SOX21: variants seen among roughly 807,000 people sequenced by gnomAD.
SOX21 encodes transcription factor SOX-21.
For missense variants in SOX21, 370 were observed against 388.8 expected (o/e 0.95, Z 0.41); for synonymous variants, 237 against 189.7 (o/e 1.25, Z -2.05).
chr13:94,712,462 C>T lies in SOX21; in HGVS notation c.-413G>A. 1 of 989,164 alleles carries T rather than the reference C, an allele frequency of 1.0e-6. No individual in the cohort carries two copies. The highest frequency in any genetic ancestry group is 1.2e-6 in the Non-Finnish European group (1 of 833,228). 61.3% of individuals were successfully genotyped at this position (989,164 alleles called of 1,614,324 possible). ...CAAAGCGTCCCCAAAAGTTGCGTCG[C>T]GGAGACTCCTCGAAGTTGAGCCGAG... On this transcript the variant is annotated 5_prime_UTR_variant, in exon 1 of 1. Coordinates refer to ENST00000376945, the MANE Select transcript of SOX21 (RefSeq NM_007084.4). This position sits in a 1 kb window ranked among gnomAD's most constrained non-coding sequence, Gnocchi z 5.0.
chr13:94,711,643 T>A lies in SOX21; in HGVS notation c.407A>T (p.Lys136Met). The A allele has an allele frequency of 8.1e-7, 1 of 1,241,992 alleles. No homozygotes were observed. The highest frequency in any genetic ancestry group is 1.0e-6 in the Non-Finnish European group (1 of 991,304). The allele number at this position is 1,241,992 out of a possible 1,614,324, so 76.9% of individuals were successfully genotyped here. A position where few individuals can be genotyped will look rare whatever the true frequency, so the allele number is the denominator to read the frequency against. ...GGCAGCGGCGGCGGCCGCGGCCGCC[T>A]TCTCGGGATTGGCGAGCAGCGACTC... ...VPESLLANPEKAAAAAAAAAA... is the reference protein window; with the variant it reads ...VPESLLANPEMAAAAAAAAAA... The change falls in exon 1 of 1, where the codon AAG becomes ATG. Residue 136 changes from lysine (K) to methionine (M), a missense_variant. Lys to Met is a moderately conservative substitution (Grantham distance 95, BLOSUM62 -1). Transcript: ENST00000376945.
chr13:94,711,402 GGCCGCCGCTGCAGCC>G lies in SOX21; in HGVS notation c.633_647del (p.Ala215_Ala219del). On this transcript the variant is annotated inframe_deletion, in exon 1 of 1. Coordinates refer to ENST00000376945, the MANE Select transcript of SOX21 (RefSeq NM_007084.4). ...AGTGCGTGTGCCCCCCGGCGGCGGC[GGCCGCCGCTGCAGCC>G]GCCGCCGCCGCGCCGTGGAAGGCGC... The G allele has an allele frequency of 5.4e-6, 4 of 739,450 alleles. No individual in the cohort carries two copies. The highest frequency in any genetic ancestry group is 5.1e-6 in the Non-Finnish European group (3 of 586,728). The allele number at this position is 739,450 out of a possible 1,614,324, so 45.8% of individuals were successfully genotyped here. A position where few individuals can be genotyped will look rare whatever the true frequency, so the allele number is the denominator to read the frequency against.
Position 94,712,343 on chromosome 13 carries a change from T to C in SOX21, c.-294A>G, listed in dbSNP as rs1263768207. On this transcript the variant is annotated 5_prime_UTR_variant, in exon 1 of 1. Coordinates refer to ENST00000376945, the MANE Select transcript of SOX21 (RefSeq NM_007084.4). This position sits in a 1 kb window ranked among gnomAD's most constrained non-coding sequence, Gnocchi z 5.0. ...CAGTTTGCCCTTTACGTTCTTTGGGTCCTTCGTCTGCAGTGGCGTTTGCTG... is the reference window on the plus strand; with the variant it reads ...CAGTTTGCCCTTTACGTTCTTTGGGCCCTTCGTCTGCAGTGGCGTTTGCTG... 10 of 1,089,658 alleles carry C rather than the reference T, an allele frequency of 9.2e-6. No homozygotes were observed. The highest frequency in any genetic ancestry group is 1.2e-4 in the East Asian group (2 of 16,342). 67.5% of individuals were successfully genotyped at this position (1,089,658 alleles called of 1,614,324 possible). A position where few individuals can be genotyped will look rare whatever the true frequency, so the allele number is the denominator to read the frequency against.
At position 94,711,915 on chromosome 13, in the gene SOX21, C is replaced by G; in HGVS notation, c.135G>C (p.Glu45Asp). ...NSEISKRLGA[E>D]WKLLTESEKR... ...TCTCCGACTCTGTGAGCAGTTTCCA[C>G]TCGGCGCCCAAGCGCTTGCTGATCT... The change falls in exon 1 of 1, where the codon GAG becomes GAC. Residue 45 changes from glutamate to aspartate, a missense_variant. Coordinates refer to ENST00000376945, the MANE Select transcript of SOX21 (RefSeq NM_007084.4). 6.2e-7 allele frequency: 1 copy of G among 1,614,050 alleles called. No homozygotes were observed. The highest frequency in any genetic ancestry group is 8.5e-7 in the Non-Finnish European group (1 of 1,179,964).
In SOX21 at chr13:94,711,846, G is replaced by A; in HGVS notation, c.204C>T (p.His68=). Residue 68 remains histidine, a synonymous_variant, in exon 1 of 1, where the codon CAC becomes CAT. Coordinates refer to ENST00000376945, the MANE Select transcript of SOX21 (RefSeq NM_007084.4). ...IDEAKRLRAM[H]MKEHPDYKYR... ...ACTTGTAGTCGGGGTGCTCCTTCAT[G>A]TGCATGGCGCGTAGACGCTTGGCCT... 6.2e-7 allele frequency: 1 copy of A among 1,613,974 alleles called. No individual in the cohort carries two copies. Among genetic ancestry groups the A allele is most frequent in the Non-Finnish European group, 8.5e-7 (1 of 1,179,952 alleles).
Position 94,711,600 on chromosome 13 carries a change from G to A in SOX21, c.450C>T (p.Phe150=). ...CGGCGGCGGCAGCGGCCGACTGCGG[G>A]AAGAAGACGCGTGCGGCGGCAGCGG... is the stretch of plus-strand genomic sequence containing the variant. ...AAAAAAARVF[F]PQSAAAAAAA... Residue 150 remains phenylalanine (F), a synonymous_variant, in exon 1 of 1, where the codon TTC becomes TTT. Transcript: ENST00000376945. 1.6e-6 allele frequency: 2 copies of A among 1,215,826 alleles called. No individual in the cohort carries two copies. The highest frequency in any genetic ancestry group is 2.1e-6 in the Non-Finnish European group (2 of 972,638). 75.3% of individuals were successfully genotyped at this position (1,215,826 alleles called of 1,614,324 possible). A position where few individuals can be genotyped will look rare whatever the true frequency, so the allele number is the denominator to read the frequency against.
chr13:94,711,568 G>T lies in SOX21; in HGVS notation c.482C>A (p.Ala161Asp). 1.2e-6 allele frequency: 1 copy of T among 816,124 alleles called. No homozygotes were observed. Among genetic ancestry groups the T allele is most frequent in the Non-Finnish European group, 1.5e-6 (1 of 663,120 alleles). The allele number at this position is 816,124 out of a possible 1,614,324, so 50.6% of individuals were successfully genotyped here. Residue 161 changes from alanine (A) to aspartate (D), a missense_variant, in exon 1 of 1, where the codon GCC becomes GAC. Physicochemically the swap from Ala to Asp is moderately radical, Grantham distance 126. Coordinates refer to ENST00000376945, the MANE Select transcript of SOX21 (RefSeq NM_007084.4). ...PQSAAAAAAA[A>D]AAAAAGSPYS... ...GGGGCTGCCCGCGGCGGCGGCGGCG[G>T]CGGCAGCGGCGGCGGCAGCGGCCGA...
Position 94,711,414 on chromosome 13 carries a change from AGCC to A in SOX21, c.633_635del (p.Ala219del), listed in dbSNP as rs745482446. ...CCCCGGCGGCGGCGGCCGCCGCTGC[AGCC>A]GCCGCCGCCGCGCCGTGGAAGGCGC... On this transcript the variant is annotated inframe_deletion, in exon 1 of 1. Transcript: ENST00000376945. 493 of 509,286 alleles carry A rather than the reference AGCC, an allele frequency of 9.7e-4. No homozygotes were observed. Among genetic ancestry groups the A allele is most frequent in the Middle Eastern group, 5.8e-3 (6 of 1,040 alleles). The allele number at this position is 509,286 out of a possible 1,614,324, so 31.5% of individuals were successfully genotyped here. A position where few individuals can be genotyped will look rare whatever the true frequency, so the allele number is the denominator to read the frequency against.
In SOX21 at chr13:94,711,283, A is replaced by G. The variant is rs1875230544; in HGVS notation, c.767T>C (p.Leu256Pro). The G allele has an allele frequency of 2.9e-6, 4 of 1,381,694 alleles. No homozygotes were observed. The South Asian group carries it at 5.3e-5, about 18-fold the overall frequency. The allele number at this position is 1,381,694 out of a possible 1,614,324, so 85.6% of individuals were successfully genotyped here. A position where few individuals can be genotyped will look rare whatever the true frequency, so the allele number is the denominator to read the frequency against. ...PGLQPPLAYI[L>P]LPGMGKPQLD... ...CTGGGGCTTGCCCATGCCCGGCAGC[A>G]GGATGTAGGCGAGCGGCGGCTGCAG... Residue 256 changes from leucine to proline, a missense_variant, in exon 1 of 1, where the codon CTG (leucine) becomes CCG (proline). Transcript: ENST00000376945.
Position 94,712,225 on chromosome 13 carries a change from G to A in SOX21, c.-176C>T, listed in dbSNP as rs552696035. On this transcript the variant is annotated 5_prime_UTR_variant, in exon 1 of 1. Coordinates refer to ENST00000376945, the MANE Select transcript of SOX21 (RefSeq NM_007084.4). This position sits in a 1 kb window ranked among gnomAD's most constrained non-coding sequence, Gnocchi z 5.0. The stretch of plus-strand genomic sequence containing the variant: ...GGGGACCAGCCCAGGGCCACGCCGC[G>A]CCCCGGGCCGCCTTAGTGTCTCCGG... 8.9e-5 allele frequency: 111 copies of A among 1,253,196 alleles called. No homozygotes were observed. The African/African-American group carries it at 1.5e-3, about 17-fold the overall frequency. The allele number at this position is 1,253,196 out of a possible 1,614,324, so 77.6% of individuals were successfully genotyped here. A position where few individuals can be genotyped will look rare whatever the true frequency, so the allele number is the denominator to read the frequency against.
rs1875281627 is a variant in SOX21 at position 94,712,139 on chromosome 13, C to G, written c.-90G>C. The G allele has an allele frequency of 2.0e-6, 3 of 1,466,558 alleles. No individual in the cohort carries two copies. The highest frequency in any genetic ancestry group is 2.1e-4 in the Middle Eastern group (1 of 4,796). The allele number at this position is 1,466,558 out of a possible 1,614,324, so 90.8% of individuals were successfully genotyped here. A position where few individuals can be genotyped will look rare whatever the true frequency, so the allele number is the denominator to read the frequency against. On this transcript the variant is annotated 5_prime_UTR_variant, in exon 1 of 1. Transcript: ENST00000376945. The surrounding 1 kb of genome is among the most constrained non-coding windows in gnomAD (Gnocchi z 5.0). ...TCAATGTTGGCTGCCCGCGGAGACCCGCTCGGCCGGCCGGGGCTCGTCGCG... is the reference window on the plus strand; with the variant it reads ...TCAATGTTGGCTGCCCGCGGAGACCGGCTCGGCCGGCCGGGGCTCGTCGCG...
Position 94,711,339 on chromosome 13 carries a change from C to G in SOX21, c.711G>C (p.Pro237=). The G allele has an allele frequency of 3.1e-6, 4 of 1,294,972 alleles. No individual in the cohort carries two copies. The highest frequency in any genetic ancestry group is 3.9e-6 in the Non-Finnish European group (4 of 1,026,552). 80.2% of individuals were successfully genotyped at this position (1,294,972 alleles called of 1,614,324 possible). The change falls in exon 1 of 1, where the codon CCG becomes CCC. Residue 237 remains proline (P), a synonymous_variant. Transcript: ENST00000376945. ...PSPGNPGYMI[P]CNCSAWPSPG... ...GGCTGGGCCACGCGCTGCAGTTGCACGGGATCATGTAGCCCGGGTTGCCCG... is the reference window on the plus strand; with the variant it reads ...GGCTGGGCCACGCGCTGCAGTTGCAGGGGATCATGTAGCCCGGGTTGCCCG...
Position 94,711,616 on chromosome 13 carries a change from G to A in SOX21, c.434C>T (p.Ala145Val). Residue 145 changes from alanine to valine, a missense_variant, in exon 1 of 1, where the codon GCC (alanine) becomes GTC (valine). Coordinates refer to ENST00000376945, the MANE Select transcript of SOX21 (RefSeq NM_007084.4). ...EKAAAAAAAA[A>V]ARVFFPQSAA... Reference sequence around the variant, plus strand: ...CGACTGCGGGAAGAAGACGCGTGCGGCGGCAGCGGCGGCGGCCGCGGCCGC... The same window carrying A: ...CGACTGCGGGAAGAAGACGCGTGCGACGGCAGCGGCGGCGGCCGCGGCCGC... 1 of 1,226,412 alleles carries A rather than the reference G, an allele frequency of 8.2e-7. No homozygotes were observed. Among genetic ancestry groups the A allele is most frequent in the Non-Finnish European group, 1.0e-6 (1 of 981,840 alleles). 76.0% of individuals were successfully genotyped at this position (1,226,412 alleles called of 1,614,324 possible).
chr13:94,711,399 G>GGCGGCC lies in SOX21; in HGVS notation c.645_650dup (p.Ala218_Ala219dup). On this transcript the variant is annotated inframe_insertion, in exon 1 of 1. Transcript: ENST00000376945. ...GCGAGTGCGTGTGCCCCCCGGCGGC[G>GGCGGCC]GCGGCCGCCGCTGCAGCCGCCGCCG... is the stretch of plus-strand genomic sequence containing the variant. 8.5e-7 allele frequency: 1 copy of GGCGGCC among 1,174,622 alleles called. No homozygotes were observed. Among genetic ancestry groups the GGCGGCC allele is most frequent in the South Asian group, 4.2e-5 (1 of 23,730 alleles). The allele number at this position is 1,174,622 out of a possible 1,614,324, so 72.8% of individuals were successfully genotyped here.
rs1442087197 is a variant in SOX21 at position 94,709,841 on chromosome 13, C to T, written c.*1378G>A. 1 of 152,400 alleles carries T rather than the reference C, an allele frequency of 6.6e-6. No individual in the cohort carries two copies. Among genetic ancestry groups the T allele is most frequent in the Admixed American group, 6.5e-5 (1 of 15,280 alleles). 9.4% of individuals were successfully genotyped at this position (152,400 alleles called of 1,614,324 possible). On this transcript the variant is annotated 3_prime_UTR_variant, in exon 1 of 1. Transcript: ENST00000376945. ...AAAATGAAACTAAATACATGTTAGC[C>T]AACTTCATTCACAAACATTAGTCAA...
rs1480824493 is a variant in SOX21 at position 94,712,331 on chromosome 13, AC to A, written c.-283del. 2 of 1,110,670 alleles carry A rather than the reference AC, an allele frequency of 1.8e-6. No homozygotes were observed. The highest frequency in any genetic ancestry group is 1.1e-6 in the Non-Finnish European group (1 of 913,402). The allele number at this position is 1,110,670 out of a possible 1,614,324, so 68.8% of individuals were successfully genotyped here. A position where few individuals can be genotyped will look rare whatever the true frequency, so the allele number is the denominator to read the frequency against. On this transcript the variant is annotated 5_prime_UTR_variant, in exon 1 of 1. Transcript: ENST00000376945. The surrounding 1 kb of genome is among the most constrained non-coding windows in gnomAD (Gnocchi z 5.0). ...TCCCCGCGGCGGCAGTTTGCCCTTT[AC>A]GTTCTTTGGGTCCTTCGTCTGCAGT...
chr13:94,711,794 G>C lies in SOX21; in HGVS notation c.256C>G (p.Leu86Val). 1 of 1,613,784 alleles carries C rather than the reference G, an allele frequency of 6.2e-7. No homozygotes were observed. Among genetic ancestry groups the C allele is most frequent in the African/African-American group, 1.3e-5 (1 of 75,020 alleles). Residue 86 changes from leucine to valine, a missense_variant, in exon 1 of 1, where the codon CTG becomes GTG. Physicochemically the swap from Leu to Val is conservative, Grantham distance 32. Transcript: ENST00000376945. Reference sequence around the variant, plus strand: ...AAGGCGAACTTGTCCTTCTTGAGCAGCGTCTTGGGCTTGCGCCGCGGCCGG... The same window carrying C: ...AAGGCGAACTTGTCCTTCTTGAGCACCGTCTTGGGCTTGCGCCGCGGCCGG... ...KYRPRRKPKTLLKKDKFAFPV... is the reference protein window; with the variant it reads ...KYRPRRKPKTVLKKDKFAFPV...
At position 94,712,010 on chromosome 13, in the gene SOX21, C is replaced by A; in HGVS notation, c.40G>T (p.Ala14Ser). The change falls in exon 1 of 1, where the codon GCC becomes TCC. Residue 14 changes from alanine (A) to serine (S), a missense_variant. Coordinates refer to ENST00000376945, the MANE Select transcript of SOX21 (RefSeq NM_007084.4). The surrounding 1 kb of genome is among the most constrained non-coding windows in gnomAD (Gnocchi z 5.0). ...TGAGCCCGCGACCACACCATGAAGG[C>A]GTTCATGGGCCGCTTGACGTGGTCC... Reference protein sequence around the residue: ...PVDHVKRPMNAFMVWSRAQRR... With the variant: ...PVDHVKRPMNSFMVWSRAQRR... 6 of 1,613,956 alleles carry A rather than the reference C, an allele frequency of 3.7e-6. No individual in the cohort carries two copies. Among genetic ancestry groups the A allele is most frequent in the Non-Finnish European group, 5.1e-6 (6 of 1,179,920 alleles).
Position 94,711,479 on chromosome 13 carries a change from A to T in SOX21, c.571T>A (p.Tyr191Asn), listed in dbSNP as rs747837875. 1 of 1,022,790 alleles carries T rather than the reference A, an allele frequency of 9.8e-7. No homozygotes were observed. The highest frequency in any genetic ancestry group is 1.2e-6 in the Non-Finnish European group (1 of 848,086). The allele number at this position is 1,022,790 out of a possible 1,614,324, so 63.4% of individuals were successfully genotyped here. A position where few individuals can be genotyped will look rare whatever the true frequency, so the allele number is the denominator to read the frequency against. ...GTCGGGTAGCCCAGCGACGACGCGT[A>T]CGGGAGGCCGGACGAGGACGACGAG... Reference protein sequence around the residue: ...EISSSSSGLPYASSLGYPTAG... With the variant: ...EISSSSSGLPNASSLGYPTAG... Residue 191 changes from tyrosine to asparagine, a missense_variant, in exon 1 of 1, where the codon TAC becomes AAC. Physicochemically the swap from Tyr to Asn is moderately radical, Grantham distance 143. Coordinates refer to ENST00000376945, the MANE Select transcript of SOX21 (RefSeq NM_007084.4).
Sources: allele counts gnomAD v4.1 joint callset, GRCh38; gene constraint gnomAD v4.1.1; non-coding constraint Gnocchi (gnomAD v3.1); transcripts MANE v1.5; gene names NCBI Gene and HGNC (gene_info 2026-07-23, HGNC 2026-07-21).